Variants in GLRX3 observed in about 807,000 individuals in gnomAD.
GLRX3 encodes glutaredoxin 3, also known as glutaredoxin-3.
In GLRX3, 22 loss-of-function variants were observed where a neutral mutation model predicts 49.5. The ratio of observed to expected loss-of-function variants is 0.44; its 90% CI spans 0.32 to 0.63. GLRX3 has a LOEUF of 0.63. Ranked by LOEUF, GLRX3 falls within the 30% of genes least tolerant of loss-of-function variation. The pLI, the probability that GLRX3 is intolerant of heterozygous loss-of-function variation, is 0.05. For synonymous variants in GLRX3, 133 were observed against 140.0 expected, an observed-to-expected ratio of 0.95 and a Z score of 0.35; for missense variants, 385 against 396.3, an observed-to-expected ratio of 0.97 and a Z score of 0.24.
At position 130,136,392 on chromosome 10, in the gene GLRX3, CT is replaced by C. The variant is rs1862049251; in HGVS notation, c.-28del. On this transcript the variant is annotated 5_prime_UTR_variant, in exon 1 of 11. Coordinates refer to ENST00000331244, the MANE Select transcript of GLRX3 (RefSeq NM_006541.5). ...CCCCGCCCACATCCGGCCGCCGGCA[CT>C]GGATTGCTTCTGTCTGGCGGCGGCA... The C allele has an allele frequency of 1.6e-6, 2 of 1,244,854 alleles. No homozygotes were observed. Among genetic ancestry groups the C allele is most frequent in the African/African-American group, 3.1e-5 (2 of 64,406 alleles). 77.1% of individuals were successfully genotyped at this position (1,244,854 alleles called of 1,614,324 possible). A position where few individuals can be genotyped will look rare whatever the true frequency, so the allele number is the denominator to read the frequency against.
chr10:130,143,550 A>G lies in GLRX3; in HGVS notation c.93-1661A>G, dbSNP rs867895581. Among the ~76,000 whole-genome samples, 111 of 151,804 alleles carry G rather than the reference A, an allele frequency of 7.3e-4. No homozygotes were observed. In the Middle Eastern group the frequency reaches 0.041, roughly 56 times the overall value. On this transcript the variant is annotated intron_variant, in intron 1 of 10. Transcript: ENST00000331244. Reference sequence around the variant, plus strand: ...AAATGTTTAGAATTTTTTTTTTTTAAATGGGTCTTGCTCTGTTGCCCACAC... The same window carrying G: ...AAATGTTTAGAATTTTTTTTTTTTAGATGGGTCTTGCTCTGTTGCCCACAC...
intron 4 of GLRX3, among the ~76,000 whole-genome samples, chr10:130,165,040 A>G (rs1195407266): frequency 1.3e-5 from 2 of 152,266 alleles, no homozygotes; most frequent in African/African-American, 4.8e-5. Flanking sequence ...GAAAATGTTT[A>G]GAGCTCACTT....
chr10:130,138,806 A>G (rs1862115692), intron 1 of GLRX3, among the ~76,000 whole-genome samples: 1 of 143,720 alleles, frequency 7.0e-6, no homozygotes, highest in Non-Finnish European at 1.5e-5. Context: ...TAAATGCTTC[A>G]TGTTTTAAAA....
chr10:130,143,876 T>C (rs944999712), intron 1 of GLRX3, among the ~76,000 whole-genome samples: 2 of 151,980 alleles, frequency 1.3e-5, no homozygotes, highest in African/African-American at 4.8e-5. Flanking sequence ...TTTTTGTGCT[T>C]TTAGTAGAGT....
intron 2 of GLRX3, among the ~76,000 whole-genome samples, chr10:130,150,473 A>G (rs750357728): frequency 6.6e-6 from 1 of 152,148 alleles, no homozygotes; most frequent in Non-Finnish European, 1.5e-5. Flanking sequence ...TTCATTTGAC[A>G]TTAATTTTGT....
intron 4 of GLRX3, among the ~76,000 whole-genome samples, chr10:130,164,233 T>G (rs1862638036): frequency 6.6e-6 from 1 of 152,162 alleles, no homozygotes; most frequent in Non-Finnish European, 1.5e-5. Flanking sequence ...TACTCTGTGC[T>G]CCTCATGAAG....
rs1484251060 is a variant in GLRX3, at chr10:130,164,418, T to C, written c.479-2089T>C. ...TTGAGGCATAGTCAGATATTCCTTCTGCAGTGAGAGTCATCCAGCCGGGCT... is the reference window on the plus strand; with the variant it reads ...TTGAGGCATAGTCAGATATTCCTTCCGCAGTGAGAGTCATCCAGCCGGGCT... On this transcript the variant is annotated intron_variant, in intron 4 of 10. Transcript: ENST00000331244. Among the ~76,000 whole-genome samples the C allele has an allele frequency of 2.0e-5, 3 of 152,350 alleles. No individual in the cohort carries two copies. The East Asian group carries it at 5.8e-4, about 29-fold the overall frequency.
rs377556527 is a variant in GLRX3 at position 130,159,994 on chromosome 10, G to A, written c.202-1G>A. ...CAAGCTTGAATTCTTTTATTTTAAA[G>A]TTGGAAGCTGAAGGTGTTCCTGAAG... is the stretch of plus-strand genomic sequence containing the variant. On this transcript the variant is annotated splice_acceptor_variant, in intron 2 of 10. Coordinates refer to ENST00000331244, the MANE Select transcript of GLRX3 (RefSeq NM_006541.5). LOFTEE classifies it high-confidence loss of function. The A allele has an allele frequency of 2.9e-5, 46 of 1,565,306 alleles. No individual in the cohort carries two copies. Among genetic ancestry groups the A allele is most frequent in the Non-Finnish European group, 4.0e-5 (46 of 1,135,896 alleles).
intron 8 of GLRX3, among the ~76,000 whole-genome samples, chr10:130,172,868 A>G (rs1209478087): frequency 2.0e-5 from 3 of 152,172 alleles, no homozygotes; most frequent in Non-Finnish European, 1.5e-5. Context: ...ACTTGAGCCC[A>G]GGAGGTGGAG....
At chr10:130,136,565 G>C in intron 1 of GLRX3, 53 bp downstream of exon 1, 1 of 1,245,326 alleles carries the variant, frequency 8.0e-7, no homozygotes, top group Non-Finnish European at 1.0e-6. Flanking sequence ...GAGCGGCCGC[G>C]AGACCGGGCC....
At chr10:130,138,868 T>TTTTTTTTG (rs1554954458) in intron 1 of GLRX3, among the ~76,000 whole-genome samples, 2 of 144,018 alleles carry the variant, frequency 1.4e-5, no homozygotes, top group Admixed American at 6.9e-5. Flanking sequence ...TTTTTTTTTT[T>TTTTTTTTG]GGGGGGGAGA....
At chr10:130,145,347 T>G (rs983833716) in intron 2 of GLRX3, 28 bp downstream of exon 2, 4 of 1,025,962 alleles carry the variant, frequency 3.9e-6, no homozygotes, top group Non-Finnish European at 6.2e-6. Flanking sequence ...TCATGTCTTT[T>G]GTGAATTTAA....
chr10:130,150,844 T>C (rs1032419277), intron 2 of GLRX3, among the ~76,000 whole-genome samples: 1 of 152,192 alleles, frequency 6.6e-6, no homozygotes, highest in African/African-American at 2.4e-5. Context: ...GGCCAATTTA[T>C]TTGGCATCTT....
At chr10:130,164,641 TAAAA>T (rs1317690356) in intron 4 of GLRX3, among the ~76,000 whole-genome samples, 1 of 152,144 alleles carries the variant, frequency 6.6e-6, no homozygotes, top group Non-Finnish European at 1.5e-5. Context: ...GCATTTTTCT[TAAAA>T]AAAGGTGTGT....
intron 1 of GLRX3, among the ~76,000 whole-genome samples, chr10:130,141,634 C>T (rs2388757): frequency 0.37 from 55,897 of 152,098 alleles, 10,407 homozygotes; most frequent in South Asian, 0.42. Context: ...TGTCATTGCT[C>T]ATGTCTGTGG....
At chr10:130,175,788 A>G (rs1275857070) in intron 10 of GLRX3, among the ~76,000 whole-genome samples, 1 of 152,260 alleles carries the variant, frequency 6.6e-6, no homozygotes, top group African/African-American at 2.4e-5. Context: ...CTCTTTGATT[A>G]GCCCAAAACA....
intron 2 of GLRX3, 31 bp from the exon 3 acceptor site, chr10:130,159,964 A>G (rs373509971): frequency 1.2e-5 from 17 of 1,423,232 alleles, no homozygotes; most frequent in Non-Finnish European, 1.6e-5. Flanking sequence ...GGACCTTGTA[A>G]TAATCAAGCT....
chr10:130,147,939 G>T (rs921850307), intron 2 of GLRX3, among the ~76,000 whole-genome samples: 4 of 152,116 alleles, frequency 2.6e-5, no homozygotes, highest in African/African-American at 9.7e-5. Context: ...CAGTTACTTG[G>T]GAGGATAAAG....
chr10:130,165,788 A>G (rs1862672371), intron 4 of GLRX3, among the ~76,000 whole-genome samples: 1 of 152,236 alleles, frequency 6.6e-6, no homozygotes, highest in African/African-American at 2.4e-5. Flanking sequence ...AAGTATAGTC[A>G]AGTAGTAGTT....
Sources: allele counts gnomAD v4.1 joint callset (sites outside exome capture counted in the v4.1 genomes callset), GRCh38; gene constraint gnomAD v4.1.1; transcripts MANE v1.5; gene names NCBI Gene and HGNC (gene_info 2026-07-23, HGNC 2026-07-21).